METTL2B: variants seen among roughly 807,000 people sequenced by gnomAD.
The protein encoded by METTL2B is methyltransferase 2B, tRNA N3-cytidine, also known as tRNA N(3)-cytidine methyltransferase METTL2B.
A neutral mutation model predicts 51.0 loss-of-function variants in METTL2B; 28 were observed. That is an observed-to-expected ratio of 0.55 (90% CI 0.41 to 0.75). METTL2B has a LOEUF of 0.75. METTL2B is among the 30% of genes least tolerant of loss of function. The pLI, the probability that METTL2B is intolerant of heterozygous loss-of-function variation, is 0.00. For missense variants in METTL2B, 313 were observed against 460.7 expected (o/e 0.68, Z 2.93); for synonymous variants, 128 against 166.3 (o/e 0.77, Z 1.77).
chr7:128,483,360 A>G (rs1799895790), intron 4 of METTL2B: 1 of 152,240 alleles, frequency 6.6e-6, no homozygotes, highest in Non-Finnish European at 1.5e-5. Context: ...AGTCCTCTAC[A>G]AGAGTGTGCC....
rs183411253 is a variant in METTL2B at position 128,486,241 on chromosome 7, C to T, written c.609-1860C>T. 4.1e-3 allele frequency among the ~76,000 whole-genome samples: 621 copies of T among 151,618 alleles called. 4 individuals are homozygous for T. The highest frequency in any genetic ancestry group is 0.014 in the African/African-American group (586 of 41,272). On this transcript the variant is annotated intron_variant, in intron 4 of 8. Coordinates refer to ENST00000262432, the MANE Select transcript of METTL2B (RefSeq NM_018396.3). ...CCCAGGAGTGGAGGTTGCAGTGAGC[C>T]AAGACCACGCTATTGCACTCCAGCC...
chr7:128,499,652 G>A (rs1160686675), intron 7 of METTL2B, among the ~76,000 whole-genome samples: 2 of 140,556 alleles, frequency 1.4e-5, no homozygotes, highest in Non-Finnish European at 3.1e-5. Flanking sequence ...CCGAGTAGCC[G>A]AGACTACAGG....
In METTL2B at chr7:128,478,289, T is replaced by C. The variant is rs377251062; in HGVS notation, c.203-869T>C. Among the ~76,000 whole-genome samples the C allele has an allele frequency of 3.3e-5, 5 of 151,108 alleles. No individual in the cohort carries two copies. In the South Asian group the frequency reaches 1.0e-3, roughly 32 times the overall value. ...TTTTTGGAGGCGGAGTCTCGCTCTGTCACCAGGCTGGAGTGCAGTGGCGCG... is the reference window on the plus strand; with the variant it reads ...TTTTTGGAGGCGGAGTCTCGCTCTGCCACCAGGCTGGAGTGCAGTGGCGCG... On this transcript the variant is annotated intron_variant, in intron 2 of 8. Coordinates refer to ENST00000262432, the MANE Select transcript of METTL2B (RefSeq NM_018396.3).
At position 128,479,206 on chromosome 7, in the gene METTL2B, T is replaced by A. The variant is rs761337639; in HGVS notation, c.251T>A (p.Ile84Asn). ...AAATACTGGAATGACTTCTACAAAATCCACGAAAATGGGTTTTTCAAGGAT... is the reference window on the plus strand; with the variant it reads ...AAATACTGGAATGACTTCTACAAAAACCACGAAAATGGGTTTTTCAAGGAT... ...AHKYWNDFYK[I>N]HENGFFKDRH... Residue 84 changes from isoleucine to asparagine, a missense_variant, in exon 3 of 9, where the codon ATC becomes AAC. By Grantham distance (149) the Ile-to-Asn change is moderately radical. Transcript: ENST00000262432. 1.3e-5 allele frequency: 21 copies of A among 1,614,040 alleles called. No homozygotes were observed. The Admixed American group carries it at 3.2e-4, about 24-fold the overall frequency.
At chr7:128,489,084 C>T (rs1341488678) in intron 5 of METTL2B, among the ~76,000 whole-genome samples, 8 of 152,096 alleles carry the variant, frequency 5.3e-5, no homozygotes, top group Admixed American at 5.2e-4. Context: ...CACTGCACTC[C>T]AGCTAGACGA....
chr7:128,493,013 A>G (rs1792863074), intron 5 of METTL2B, among the ~76,000 whole-genome samples: 1 of 151,384 alleles, frequency 6.6e-6, no homozygotes, highest in Admixed American at 6.7e-5. Context: ...ATCTGACTTC[A>G]TGCATGAGAA....
Position 128,505,910 on chromosome 7 carries a change from G to A in METTL2B, c.*3994G>A, listed in dbSNP as rs1793114271. The A allele has an allele frequency of 6.6e-6, 1 of 152,304 alleles. No homozygotes were observed. Among genetic ancestry groups the A allele is most frequent in the Admixed American group, 6.5e-5 (1 of 15,282 alleles). 9.4% of individuals were successfully genotyped at this position (152,304 alleles called of 1,614,324 possible). ...CGATCACTGCTTACTGCTTACTGCA[G>A]CCTCGACCTCCCATGCTCAAGTGAT... On this transcript the variant is annotated 3_prime_UTR_variant, in exon 9 of 9. Coordinates refer to ENST00000262432, the MANE Select transcript of METTL2B (RefSeq NM_018396.3).
At chr7:128,480,599 A>G in intron 3 of METTL2B, 48 bp from the exon 4 acceptor site, 1 of 1,611,592 alleles carries the variant, frequency 6.2e-7, no homozygotes, top group East Asian at 2.2e-5. Context: ...AGCTTTCGGG[A>G]ATTAACTCTG....
At chr7:128,481,290 G>T (rs1799869995) in intron 4 of METTL2B, among the ~76,000 whole-genome samples, 1 of 152,204 alleles carries the variant, frequency 6.6e-6, no homozygotes. Flanking sequence ...TTCTGACACT[G>T]TCTACTTGGA....
chr7:128,500,485 G>C (rs1327955533), intron 7 of METTL2B, among the ~76,000 whole-genome samples: 1 of 152,120 alleles, frequency 6.6e-6, no homozygotes, highest in Non-Finnish European at 1.5e-5. Flanking sequence ...AGCTGGGCGT[G>C]GTGGTGGGAA....
intron 5 of METTL2B, among the ~76,000 whole-genome samples, chr7:128,489,830 G>GTTT (rs1563028984): frequency 2.0e-5 from 3 of 151,098 alleles, no homozygotes; most frequent in Non-Finnish European, 2.9e-5. Context: ...GGGTTTCACC[G>GTTT]TTTTAGCTGG....
At chr7:128,481,851 C>T (rs1799876429) in intron 4 of METTL2B, among the ~76,000 whole-genome samples, 1 of 152,144 alleles carries the variant, frequency 6.6e-6, no homozygotes, top group Non-Finnish European at 1.5e-5. Flanking sequence ...CACTTTGTTT[C>T]CCAGACTGGT....
intron 4 of METTL2B, among the ~76,000 whole-genome samples, chr7:128,487,235 G>T (rs1792735429): frequency 6.6e-6 from 1 of 152,172 alleles, no homozygotes; most frequent in Non-Finnish European, 1.5e-5. Context: ...GCAGGAAGCA[G>T]AGCCCATGCC....
At chr7:128,488,047 G>GT (rs1465265502) in intron 4 of METTL2B, 54 bp from the exon 5 acceptor site, 1 of 1,184,086 alleles carries the variant, frequency 8.4e-7, no homozygotes, top group Non-Finnish European at 1.2e-6. Flanking sequence ...AAGAATGAGA[G>GT]TAGACATAGC....
Position 128,501,988 on chromosome 7 carries a change from C to A in METTL2B, c.*72C>A. On this transcript the variant is annotated 3_prime_UTR_variant, in exon 9 of 9. Transcript: ENST00000262432. ...TTTTTTAAAAAAAAATTTGTAGCAC[C>A]GGGCATGGTGCATGCCTGTAATCCC... 1.9e-6 allele frequency: 3 copies of A among 1,592,604 alleles called. No homozygotes were observed. The highest frequency in any genetic ancestry group is 2.6e-6 in the Non-Finnish European group (3 of 1,167,086).
In METTL2B at chr7:128,498,106, G is replaced by A. The variant is rs759459489; in HGVS notation, c.880G>A (p.Gly294Ser). 3.1e-6 allele frequency: 5 copies of A among 1,613,822 alleles called. No individual in the cohort carries two copies. Among genetic ancestry groups the A allele is most frequent in the East Asian group, 4.5e-5 (2 of 44,874 alleles). ...GGGGATGGTACTTCTGCGAGATTAC[G>A]GCCGCTATGACATGGCTCAGCTTCG... ...PGGMVLLRDYGRYDMAQLRFK... is the reference protein window; with the variant it reads ...PGGMVLLRDYSRYDMAQLRFK... The change falls in exon 7 of 9, where the codon GGC (glycine) becomes AGC (serine). Residue 294 changes from glycine to serine, a missense_variant. By Grantham distance (56) the Gly-to-Ser change is moderately conservative (BLOSUM62 0). Coordinates refer to ENST00000262432, the MANE Select transcript of METTL2B (RefSeq NM_018396.3).
rs576794736 is a variant in METTL2B, at chr7:128,488,052, C to T, written c.609-49C>T. 4.9e-5 allele frequency: 56 copies of T among 1,152,732 alleles called. No homozygotes were observed. In the South Asian group the frequency reaches 8.0e-4, roughly 16 times the overall value. 71.4% of individuals were successfully genotyped at this position (1,152,732 alleles called of 1,614,324 possible). A position where few individuals can be genotyped will look rare whatever the true frequency, so the allele number is the denominator to read the frequency against. ...TGTGCTACACAAGAATGAGAGTAGA[C>T]ATAGCTCGATTTGTAGTCTCATTGT... On this transcript the variant is annotated intron_variant, in intron 4 of 8. Coordinates refer to ENST00000262432, the MANE Select transcript of METTL2B (RefSeq NM_018396.3).
At chr7:128,492,839 A>G (rs1792859711) in intron 5 of METTL2B, among the ~76,000 whole-genome samples, 2 of 150,648 alleles carry the variant, frequency 1.3e-5, no homozygotes, top group African/African-American at 2.4e-5. Context: ...GATGGTCTCC[A>G]TCTCCTGACC....
At chr7:128,491,767 A>AT (rs1194603574) in intron 5 of METTL2B, among the ~76,000 whole-genome samples, 4 of 151,506 alleles carry the variant, frequency 2.6e-5, no homozygotes, top group Admixed American at 2.6e-4. Flanking sequence ...GTCTCAAAAA[A>AT]AAAAAAAAAA....
Sources: allele counts gnomAD v4.1 joint callset (sites outside exome capture counted in the v4.1 genomes callset), GRCh38; gene constraint gnomAD v4.1.1; transcripts MANE v1.5; gene names NCBI Gene and HGNC (gene_info 2026-07-23, HGNC 2026-07-21).